Variants in AP3S1 observed in about 807,000 individuals in gnomAD.
The protein encoded by AP3S1 is adaptor related protein complex 3 subunit sigma 1, also known as AP-3 complex subunit sigma-1.
In AP3S1, 12 loss-of-function variants were observed where a neutral mutation model predicts 21.3. That is an observed-to-expected ratio of 0.56 (90% CI 0.36 to 0.91). The LOEUF (loss-of-function observed/expected upper bound fraction) is 0.91, where lower values mean the gene tolerates loss of function less well. Among genes scored for constraint, AP3S1 ranks in the 40% least tolerant of loss-of-function variants. The pLI is 0.01. For synonymous variants in AP3S1, 48 were observed against 78.4 expected, an observed-to-expected ratio of 0.61 and a Z score of 2.05; for missense variants, 116 against 225.0, an observed-to-expected ratio of 0.52 and a Z score of 3.10.
chr5:115,890,305 C>T (rs980224272), intron 3 of AP3S1, among the ~76,000 whole-genome samples: 1 of 152,094 alleles, frequency 6.6e-6, no homozygotes, highest in African/African-American at 2.4e-5. Context: ...AATTCAGTGG[C>T]ATACTGTACA....
intron 3 of AP3S1, among the ~76,000 whole-genome samples, chr5:115,885,525 A>C (rs938917468): frequency 1.3e-5 from 2 of 152,200 alleles, no homozygotes; most frequent in African/African-American, 4.8e-5. Context: ...AAGACTCAGC[A>C]AGCAAGGTTA....
chr5:115,869,084 A>C (rs1442952882), intron 2 of AP3S1, among the ~76,000 whole-genome samples: 1 of 152,128 alleles, frequency 6.6e-6, no homozygotes, highest in Non-Finnish European at 1.5e-5. Flanking sequence ...GGGGTCTTTT[A>C]AGAAGGTGAA....
At chr5:115,848,006 A>C (rs1026595805) in intron 1 of AP3S1, among the ~76,000 whole-genome samples, 3 of 152,216 alleles carry the variant, frequency 2.0e-5, no homozygotes, top group African/African-American at 7.2e-5. Flanking sequence ...AAACCTTTTG[A>C]ATATTTAATT....
intron 2 of AP3S1, 112 bp from the exon 3 acceptor site, chr5:115,869,905 A>G (rs1039551979): frequency 4.5e-5 from 27 of 604,366 alleles, no homozygotes; most frequent in African/African-American, 3.1e-4. Context: ...TTGCCATTGA[A>G]TGTCACCTTT....
intron 1 of AP3S1, among the ~76,000 whole-genome samples, chr5:115,862,580 G>A (rs185298482): frequency 6.6e-6 from 1 of 152,304 alleles, no homozygotes; most frequent in Non-Finnish European, 1.5e-5. Context: ...ACTGTAGTTT[G>A]TACTGTACTA....
intron 5 of AP3S1, among the ~76,000 whole-genome samples, 180 bp from the exon 6 acceptor site, chr5:115,913,182 T>C (rs975665305): frequency 2.4e-4 from 36 of 152,216 alleles, no homozygotes; most frequent in African/African-American, 8.7e-4. Flanking sequence ...AATGTGTCAC[T>C]GTTTTCTCTT....
chr5:115,858,873 TG>T (rs1762974430), intron 1 of AP3S1, among the ~76,000 whole-genome samples: 1 of 150,766 alleles, frequency 6.6e-6, no homozygotes, highest in Admixed American at 6.6e-5. Context: ...TCTTTTTACT[TG>T]GTTTGTTTCC....
chr5:115,901,304 G>T (rs1430992744), intron 4 of AP3S1, among the ~76,000 whole-genome samples: 2 of 151,842 alleles, frequency 1.3e-5, no homozygotes, highest in Admixed American at 1.3e-4. Flanking sequence ...TTGGATAAAG[G>T]GACCTAAAAA....
At chr5:115,902,480 A>T (rs1751297010) in intron 4 of AP3S1, among the ~76,000 whole-genome samples, 1 of 152,136 alleles carries the variant, frequency 6.6e-6, no homozygotes, top group African/African-American at 2.4e-5. Context: ...TAAAATAATA[A>T]CCTAATTATT....
intron 3 of AP3S1, among the ~76,000 whole-genome samples, chr5:115,876,527 C>T (rs1345034037): frequency 2.0e-5 from 3 of 152,110 alleles, no homozygotes; most frequent in Non-Finnish European, 2.9e-5. Context: ...AACCACAGTA[C>T]AGCTATTAAC....
intron 1 of AP3S1, among the ~76,000 whole-genome samples, chr5:115,855,394 C>T (rs1030207875): frequency 7.2e-5 from 11 of 151,898 alleles, no homozygotes; most frequent in African/African-American, 2.2e-4. Context: ...GGCTGGAGTC[C>T]GGTGGTATAT....
intron 4 of AP3S1, among the ~76,000 whole-genome samples, chr5:115,895,712 A>AT (rs1196516494): frequency 7.9e-5 from 12 of 152,146 alleles, no homozygotes; most frequent in East Asian, 1.9e-4. Context: ...TGATAGAGTG[A>AT]TTTTTTCTTG....
intron 4 of AP3S1, among the ~76,000 whole-genome samples, chr5:115,896,398 G>T (rs1164566678): frequency 6.6e-6 from 1 of 152,148 alleles, no homozygotes; most frequent in Admixed American, 6.5e-5. Context: ...ATGTTCTACT[G>T]TTTTTCTCTA....
intron 1 of AP3S1, among the ~76,000 whole-genome samples, chr5:115,852,201 CA>C (rs1048874226): frequency 1.3e-5 from 2 of 151,296 alleles, no homozygotes; most frequent in Admixed American, 1.3e-4. Flanking sequence ...ATTTTTTTTC[CA>C]AAAACCCCAG....
At chr5:115,909,007 A>C (rs1751885538) in intron 5 of AP3S1, 16 of 984,162 alleles carry the variant, frequency 1.6e-5, no homozygotes, top group South Asian at 1.4e-4. Context: ...GCATATAGCA[A>C]CTTCCAGCAG....
chr5:115,865,612 A>G (rs1280751096), intron 1 of AP3S1, among the ~76,000 whole-genome samples: 4 of 152,172 alleles, frequency 2.6e-5, no homozygotes, highest in Non-Finnish European at 4.4e-5. Context: ...ATTTTTTACT[A>G]TCATATTTTT....
intron 1 of AP3S1, among the ~76,000 whole-genome samples, chr5:115,842,915 C>A (rs1420906871): frequency 6.6e-6 from 1 of 152,160 alleles, no homozygotes; most frequent in Non-Finnish European, 1.5e-5. Flanking sequence ...GGCATTTTTC[C>A]ACGTATGGGA....
At chr5:115,899,429 A>G (rs1453845743) in intron 4 of AP3S1, among the ~76,000 whole-genome samples, 2 of 152,190 alleles carry the variant, frequency 1.3e-5, no homozygotes, top group Non-Finnish European at 2.9e-5. Flanking sequence ...AAGATAGAGT[A>G]ACACTTGAAA....
intron 4 of AP3S1, among the ~76,000 whole-genome samples, chr5:115,900,863 A>T (rs573598443): frequency 2.0e-5 from 3 of 152,202 alleles, no homozygotes; most frequent in East Asian, 3.9e-4. Context: ...ATCATTGACC[A>T]CTTCTTAATA....
Sources: allele counts gnomAD v4.1 joint callset (sites outside exome capture counted in the v4.1 genomes callset), GRCh38; gene constraint gnomAD v4.1.1; transcripts MANE v1.5; gene names NCBI Gene and HGNC (gene_info 2026-07-23, HGNC 2026-07-21).